Variants in NMS observed in about 807,000 individuals in gnomAD.
NMS encodes neuromedin-S.
Under a neutral mutation model 32.2 loss-of-function variants are expected in NMS, and 30 were observed. That is an observed-to-expected ratio of 0.93 (90% CI 0.70 to 1.26). The LOEUF (loss-of-function observed/expected upper bound fraction) is 1.26. NMS is among the 50% of genes most tolerant of loss of function. NMS has a pLI of 0.00. For synonymous variants in NMS, 76 were observed against 58.5 expected (o/e 1.30, Z -1.37); for missense variants, 190 against 186.3 (o/e 1.02, Z -0.12).
At position 100,481,167 on chromosome 2, in the gene NMS, G is replaced by T; in HGVS notation, c.414G>T (p.Arg138Ser). Residue 138 changes from arginine to serine, a missense_variant and splice_region_variant, in exon 8 of 10, where the codon AGG becomes AGT. Coordinates refer to ENST00000376865, the MANE Select transcript of NMS (RefSeq NM_001011717.1). ...GGGGACGACCCTTTTTCCTTTTCAG[G>T]GTATAGCATGTTTTCTCACCTTTGC... ...ATWGRPFFLFRPRNGRNIEDE... is the reference protein window; with the variant it reads ...ATWGRPFFLFSPRNGRNIEDE... 1 of 1,614,048 alleles carries T rather than the reference G, an allele frequency of 6.2e-7. No homozygotes were observed. The highest frequency in any genetic ancestry group is 1.3e-5 in the African/African-American group (1 of 75,022).
At chr2:100,474,712 A>G (rs1677072775) in intron 3 of NMS, among the ~76,000 whole-genome samples, 2 of 152,372 alleles carry the variant, frequency 1.3e-5, no homozygotes, top group Admixed American at 6.5e-5. Context: ...AGTTGTTGCC[A>G]TTGCCTGTTA....
At chr2:100,479,607 C>T (rs1295366602) in intron 6 of NMS, among the ~76,000 whole-genome samples, 180 bp downstream of exon 6, 1 of 152,242 alleles carries the variant, frequency 6.6e-6, no homozygotes, top group Non-Finnish European at 1.5e-5. Flanking sequence ...TCAGTTTCCT[C>T]CACTGAAACC....
At chr2:100,476,783 C>A (rs555596491) in intron 3 of NMS, among the ~76,000 whole-genome samples, 2 of 152,128 alleles carry the variant, frequency 1.3e-5, no homozygotes, top group East Asian at 3.8e-4. Flanking sequence ...GATTTAGAAA[C>A]GGAAAATTGG....
Position 100,473,486 on chromosome 2 carries a change from T to C in NMS, c.133-3T>C, listed in dbSNP as rs777604917. Reference sequence around the variant, plus strand: ...GATTTGTTTTCTTCATTTTATTTTTTAGCAGCTGGCATATTGTCTGAGTCA... The same window carrying C: ...GATTTGTTTTCTTCATTTTATTTTTCAGCAGCTGGCATATTGTCTGAGTCA... On this transcript the variant is annotated splice_polypyrimidine_tract_variant and splice_region_variant and intron_variant, in intron 2 of 9. Transcript: ENST00000376865. 2.0e-6 allele frequency: 3 copies of C among 1,488,500 alleles called. No individual in the cohort carries two copies. The highest frequency in any genetic ancestry group is 3.0e-5 in the South Asian group (2 of 67,424). The allele number at this position is 1,488,500 out of a possible 1,614,324, so 92.2% of individuals were successfully genotyped here.
intron 3 of NMS, among the ~76,000 whole-genome samples, chr2:100,474,571 G>A (rs889767623): frequency 6.6e-6 from 1 of 152,190 alleles, no homozygotes. Flanking sequence ...CTGTGCCTCA[G>A]TTTTGTCATC....
chr2:100,478,383 C>A (rs1677153673), intron 5 of NMS, among the ~76,000 whole-genome samples: 1 of 152,138 alleles, frequency 6.6e-6, no homozygotes, highest in African/African-American at 2.4e-5. Context: ...AAGCAAATAA[C>A]CAGGAAAAAA....
intron 1 of NMS, among the ~76,000 whole-genome samples, chr2:100,472,067 T>C (rs57652013): frequency 0.25 from 37,499 of 152,132 alleles, 4,866 homozygotes; most frequent in East Asian, 0.35. Context: ...CAAAATACCA[T>C]ACAATTTTCT....
chr2:100,480,364 C>G, intron 6 of NMS, 132 bp from the exon 7 acceptor site: 1 of 874,064 alleles, frequency 1.1e-6, no homozygotes, highest in Non-Finnish European at 1.8e-6. Flanking sequence ...TTGCCATGCT[C>G]TCCACCTCCT....
intron 1 of NMS, among the ~76,000 whole-genome samples, chr2:100,471,540 A>G (rs1677006344): frequency 6.6e-6 from 1 of 152,164 alleles, no homozygotes; most frequent in Admixed American, 6.5e-5. Context: ...TTGCTCCAGT[A>G]GAGTCCTGTT....
At chr2:100,475,341 G>T (rs902163511) in intron 3 of NMS, among the ~76,000 whole-genome samples, 4 of 152,130 alleles carry the variant, frequency 2.6e-5, no homozygotes, top group African/African-American at 9.7e-5. Context: ...GTTCACTCCT[G>T]TTCTGGTTTC....
chr2:100,475,252 C>G (rs1393394473), intron 3 of NMS, among the ~76,000 whole-genome samples: 2 of 152,162 alleles, frequency 1.3e-5, no homozygotes, highest in Non-Finnish European at 2.9e-5. Flanking sequence ...TGAAATGTGA[C>G]TTTTGGCATG....
At chr2:100,477,214 T>C in intron 3 of NMS, 30 bp from the exon 4 acceptor site, 2 of 1,608,160 alleles carry the variant, frequency 1.2e-6, no homozygotes, top group Non-Finnish European at 1.7e-6. Flanking sequence ...TAAAATTTCA[T>C]CTAACTTACC....
Position 100,473,552 on chromosome 2 carries a change from G to GTA in NMS, c.183+22_183+23dup, listed in dbSNP as rs781704397. 17 of 1,130,864 alleles carry GTA rather than the reference G, an allele frequency of 1.5e-5. No homozygotes were observed. The highest frequency in any genetic ancestry group is 4.5e-5 in the South Asian group (2 of 44,834). The allele number at this position is 1,130,864 out of a possible 1,614,324, so 70.1% of individuals were successfully genotyped here. On this transcript the variant is annotated intron_variant, in intron 3 of 9. Coordinates refer to ENST00000376865, the MANE Select transcript of NMS (RefSeq NM_001011717.1). ...TCGCCAACCTAAGGTAAAAAAATGT[G>GTA]TATATATATAATATATATAAAATAT...
intron 5 of NMS, among the ~76,000 whole-genome samples, chr2:100,478,904 C>T (rs781044808): frequency 2.4e-4 from 37 of 152,196 alleles, no homozygotes; most frequent in Admixed American, 6.5e-4. Flanking sequence ...TGAGGATAGG[C>T]GTGTACACCT....
In NMS at chr2:100,470,501, C is replaced by A. The variant is rs772642162; in HGVS notation, c.13C>A (p.Arg5Ser). ...CCAGACTCTCACAATGAAACATCTTCGTCCCCAGTTCCCTCTCATCTTGGC... is the reference window on the plus strand; with the variant it reads ...CCAGACTCTCACAATGAAACATCTTAGTCCCCAGTTCCCTCTCATCTTGGC... MKHLRPQFPLILAIY... is the reference protein window; with the variant it reads MKHLSPQFPLILAIY... The change falls in exon 1 of 10, where the codon CGT becomes AGT. Residue 5 changes from arginine (R) to serine (S), a missense_variant. Transcript: ENST00000376865. The A allele has an allele frequency of 1.9e-6, 3 of 1,613,736 alleles. No individual in the cohort carries two copies. In the Admixed American group the frequency reaches 5.0e-5, roughly 27 times the overall value.
intron 1 of NMS, among the ~76,000 whole-genome samples, chr2:100,472,098 A>G (rs879704962): frequency 6.6e-6 from 1 of 152,236 alleles, no homozygotes; most frequent in Admixed American, 6.5e-5. Flanking sequence ...TTTTAAACAT[A>G]AACTGCTCTT....
At position 100,482,806 on chromosome 2, in the gene NMS, C is replaced by T. The variant is rs190766240; in HGVS notation, c.450-446C>T. On this transcript the variant is annotated intron_variant, in intron 9 of 9. Coordinates refer to ENST00000376865, the MANE Select transcript of NMS (RefSeq NM_001011717.1). The stretch of plus-strand genomic sequence containing the variant: ...TGAGATCCAGAGTTTTAATCTGGAA[C>T]GATTCCTTGGCCTTCAGGCCTGTGG... 4.0e-3 allele frequency among the ~76,000 whole-genome samples: 603 copies of T among 152,304 alleles called. 7 individuals are homozygous for T. The highest frequency in any genetic ancestry group is 0.014 in the African/African-American group (578 of 41,560).
chr2:100,480,497 G>T lies in NMS; in HGVS notation c.338G>T (p.Gly113Val), dbSNP rs370828085. ...NRRMKRILQR[G>V]SGTAAVDFTK... ...AACCTGTGCCTCATTTCCTTGCAGG[G>T]CTCGGGGACTGCTGCAGTGGACTTC... Residue 113 changes from glycine to valine, a missense_variant and splice_region_variant, in exon 7 of 10, where the codon GGC becomes GTC. Coordinates refer to ENST00000376865, the MANE Select transcript of NMS (RefSeq NM_001011717.1). 6.2e-7 allele frequency: 1 copy of T among 1,613,626 alleles called. No homozygotes were observed.
At chr2:100,480,117 A>G (rs1048981661) in intron 6 of NMS, among the ~76,000 whole-genome samples, 4 of 152,226 alleles carry the variant, frequency 2.6e-5, no homozygotes, top group Admixed American at 2.0e-4. Flanking sequence ...CTCCAGGTCC[A>G]GTCTGATTCC....
Sources: allele counts gnomAD v4.1 joint callset (sites outside exome capture counted in the v4.1 genomes callset), GRCh38; gene constraint gnomAD v4.1.1; transcripts MANE v1.5; gene names NCBI Gene and HGNC (gene_info 2026-07-23, HGNC 2026-07-21).